Variants in RAE1 observed in about 807,000 individuals in gnomAD.
The protein encoded by RAE1 is ribonucleic acid export 1.
A neutral mutation model predicts 52.7 loss-of-function variants in RAE1; 13 were observed. That is an observed-to-expected ratio of 0.25 (90% CI 0.16 to 0.39). The LOEUF is 0.39. Ranked by LOEUF, RAE1 falls within the 10% of genes least tolerant of loss-of-function variation. The pLI is 1.00. For missense variants in RAE1, 262 were observed against 459.8 expected (o/e 0.57, Z 3.93); for synonymous variants, 164 against 153.1 (o/e 1.07, Z -0.52).
chr20:57,370,369 C>G (rs1433052882), intron 8 of RAE1, among the ~76,000 whole-genome samples: 1 of 152,228 alleles, frequency 6.6e-6, no homozygotes, highest in Non-Finnish European at 1.5e-5. Context: ...TTGCCAGCCT[C>G]TTACCCGCTA....
chr20:57,356,122 A>T (rs2066782588), intron 3 of RAE1, among the ~76,000 whole-genome samples: 1 of 152,232 alleles, frequency 6.6e-6, no homozygotes, highest in South Asian at 2.1e-4. Flanking sequence ...TTCAGAAAAG[A>T]GGTAAGTTTC....
At chr20:57,375,249 A>C (rs942914828) in intron 11 of RAE1, 8 of 526,498 alleles carry the variant, frequency 1.5e-5, no homozygotes, top group African/African-American at 5.9e-5. Context: ...AGACTCGGGT[A>C]CTCTGCCCAA....
In RAE1 at chr20:57,374,817, C is replaced by T. The variant is rs139138146; in HGVS notation, c.1020+16C>T. The T allele has an allele frequency of 1.9e-4, 299 of 1,614,076 alleles. 1 individual carries two copies. The East Asian group carries it at 4.7e-3, about 25-fold the overall frequency. ...CTGGTCAAAGGTGAGAACTCCCGGG[C>T]CTGCTCTGGGTGCTCCAAGGCAGCA... is the stretch of plus-strand genomic sequence containing the variant. On this transcript the variant is annotated intron_variant, in intron 11 of 11. Coordinates refer to ENST00000395841, the MANE Select transcript of RAE1 (RefSeq NM_003610.4).
At position 57,353,994 on chromosome 20, in the gene RAE1, G is replaced by C. The variant is rs755550256; in HGVS notation, c.-7-38G>C. The C allele has an allele frequency of 9.0e-6, 14 of 1,554,772 alleles. No homozygotes were observed. The South Asian group carries it at 1.6e-4, about 17-fold the overall frequency. ...TACCATTGCCTCTCAGTGATATTAA[G>C]AGAAAACCCATCCTTAACATTTTTC... On this transcript the variant is annotated intron_variant, in intron 1 of 11. Coordinates refer to ENST00000395841, the MANE Select transcript of RAE1 (RefSeq NM_003610.4).
At chr20:57,359,063 A>G in intron 4 of RAE1, 1 of 1,478,720 alleles carries the variant, frequency 6.8e-7, no homozygotes, top group Non-Finnish European at 9.0e-7. Flanking sequence ...TATTTAGAGA[A>G]CAAGTGATTA....
At chr20:57,362,632 T>C (rs1392136291) in intron 4 of RAE1, among the ~76,000 whole-genome samples, 1 of 152,120 alleles carries the variant, frequency 6.6e-6, no homozygotes, top group Admixed American at 6.6e-5. Context: ...TCATAGCATC[T>C]AGTGGGAGGA....
intron 4 of RAE1, among the ~76,000 whole-genome samples, chr20:57,363,029 G>A (rs1470518279): frequency 1.3e-5 from 2 of 152,090 alleles, no homozygotes; most frequent in Non-Finnish European, 2.9e-5. Flanking sequence ...TGATCCACCC[G>A]CCTTGGCCTC....
intron 5 of RAE1, 48 bp downstream of exon 5, chr20:57,365,490 C>A (rs2066942331): frequency 1.6e-6 from 2 of 1,277,080 alleles, no homozygotes; most frequent in East Asian, 2.4e-5. Context: ...GTACCCAGGA[C>A]TGTGATGGCT....
At chr20:57,373,022 C>T (rs1012010919) in intron 8 of RAE1, 4 of 192,876 alleles carry the variant, frequency 2.1e-5, no homozygotes, top group Admixed American at 5.4e-5. Flanking sequence ...CCACTGCACC[C>T]ACCGTCCCCT....
chr20:57,351,509 C>G, intron 1 of RAE1, 87 bp downstream of exon 1: 2 of 985,438 alleles, frequency 2.0e-6, no homozygotes, highest in Non-Finnish European at 2.4e-6. Flanking sequence ...CGCGCTTCTG[C>G]GGGATGCTGG....
chr20:57,359,149 A>G (rs77152256), intron 4 of RAE1: 1 of 655,432 alleles, frequency 1.5e-6, no homozygotes, highest in South Asian at 4.3e-5. Context: ...TAATACTGGT[A>G]ATGCTAGAGG....
intron 11 of RAE1, among the ~76,000 whole-genome samples, chr20:57,377,631 A>C (rs2067135149): frequency 6.6e-6 from 1 of 152,098 alleles, no homozygotes; most frequent in Non-Finnish European, 1.5e-5. Context: ...TCCCCATGAT[A>C]CCCCGCAGGT....
At chr20:57,377,292 G>A (rs902794592) in intron 11 of RAE1, among the ~76,000 whole-genome samples, 20 of 152,176 alleles carry the variant, frequency 1.3e-4, no homozygotes, top group African/African-American at 3.9e-4. Flanking sequence ...CCTGCCTGCT[G>A]TCTTTCTTCC....
At position 57,351,381 on chromosome 20, in the gene RAE1, TCTG is replaced by T; in HGVS notation, c.-46_-44del. ...CAGGTTCGCAAACTCCTCAGACCCT[TCTG>T]CTCCCGGCCGCCGCTTTCCGCCGGG... is the stretch of plus-strand genomic sequence containing the variant. On this transcript the variant is annotated 5_prime_UTR_variant, in exon 1 of 12. Coordinates refer to ENST00000395841, the MANE Select transcript of RAE1 (RefSeq NM_003610.4). 13 of 985,428 alleles carry T rather than the reference TCTG, an allele frequency of 1.3e-5. No individual in the cohort carries two copies. Among genetic ancestry groups the T allele is most frequent in the Non-Finnish European group, 1.6e-5 (13 of 829,958 alleles). The allele number at this position is 985,428 out of a possible 1,614,324, so 61.0% of individuals were successfully genotyped here.
rs755939337 is a variant in RAE1, at chr20:57,368,773, T to C, written c.603T>C (p.Pro201=). 11 of 1,613,438 alleles carry C rather than the reference T, an allele frequency of 6.8e-6. No homozygotes were observed. The highest frequency in any genetic ancestry group is 3.3e-5 in the Admixed American group (2 of 59,948). ...GLIVYQLENQ[P]SEFRRIESPL... is the part of the protein sequence containing the mutation. Reference sequence around the variant, plus strand: ...TTGTCTATCAGCTAGAGAATCAACCTTCTGAATTCAGGAGGATAGAATCTC... The same window carrying C: ...TTGTCTATCAGCTAGAGAATCAACCCTCTGAATTCAGGAGGATAGAATCTC... The change falls in exon 8 of 12, where the codon CCT becomes CCC. Residue 201 remains proline (P), a synonymous_variant. Coordinates refer to ENST00000395841, the MANE Select transcript of RAE1 (RefSeq NM_003610.4).
In RAE1 at chr20:57,351,388, C is replaced by T; in HGVS notation, c.-42C>T. ...GCAAACTCCTCAGACCCTTCTGCTC[C>T]CGGCCGCCGCTTTCCGCCGGGGCGA... is the stretch of plus-strand genomic sequence containing the variant. On this transcript the variant is annotated 5_prime_UTR_variant, in exon 1 of 12. Coordinates refer to ENST00000395841, the MANE Select transcript of RAE1 (RefSeq NM_003610.4). 1 of 985,484 alleles carries T rather than the reference C, an allele frequency of 1.0e-6. No homozygotes were observed. The highest frequency in any genetic ancestry group is 1.2e-6 in the Non-Finnish European group (1 of 829,980). The allele number at this position is 985,484 out of a possible 1,614,324, so 61.0% of individuals were successfully genotyped here.
chr20:57,361,382 G>A (rs934675155), intron 4 of RAE1, among the ~76,000 whole-genome samples: 2 of 152,260 alleles, frequency 1.3e-5, no homozygotes, highest in African/African-American at 4.8e-5. Flanking sequence ...AGGGGTAGCT[G>A]TTGGGGTGTT....
At chr20:57,361,114 GAAA>G (rs1568783670) in intron 4 of RAE1, among the ~76,000 whole-genome samples, 11 of 148,094 alleles carry the variant, frequency 7.4e-5, no homozygotes, top group African/African-American at 2.9e-4. Context: ...AAGAAAGAAA[GAAA>G]TAGAAATAGT....
chr20:57,373,891 T>C (rs1191066007), intron 10 of RAE1, among the ~76,000 whole-genome samples, 153 bp downstream of exon 10: 2 of 152,216 alleles, frequency 1.3e-5, no homozygotes, highest in Non-Finnish European at 2.9e-5. Flanking sequence ...TTCAGGTTTC[T>C]GTGGATTTTT....
Sources: gnomAD v4.1 joint callset for allele counts (sites outside exome capture counted in the v4.1 genomes callset) on GRCh38, gnomAD v4.1.1 for gene constraint, MANE v1.5 for transcripts, NCBI Gene and HGNC (gene_info 2026-07-23, HGNC 2026-07-21) for gene names.